The following SLC43A2 variants were observed in gnomAD, a reference collection of about 807,000 sequenced individuals.
SLC43A2 encodes solute carrier family 43 member 2, also known as large neutral amino acids transporter small subunit 4.
Under a neutral mutation model 63.2 loss-of-function variants are expected in SLC43A2, and 38 were observed. The observed-to-expected ratio is 0.60, with a 90% CI of 0.46 to 0.79. The LOEUF (loss-of-function observed/expected upper bound fraction) is 0.79. SLC43A2 is among the 30% of genes least tolerant of loss of function. The probability of loss-of-function intolerance (pLI) is 0.00; values close to 1 mark genes in which losing one functional copy is unlikely to be tolerated. For synonymous variants in SLC43A2, 322 were observed against 331.0 expected (o/e 0.97, Z 0.30); for missense variants, 644 against 756.2 (o/e 0.85, Z 1.74).
chr17:1,594,643 A>G (rs374621717), intron 5 of SLC43A2, among the ~76,000 whole-genome samples: 95 of 131,748 alleles, frequency 7.2e-4, no homozygotes, highest in African/African-American at 2.7e-3. Flanking sequence ...GCTGTACTGC[A>G]GTGGCTCTAT....
In SLC43A2 at chr17:1,614,996, C is replaced by T; in HGVS notation, c.407G>A (p.Gly136Glu). 1 of 1,613,964 alleles carries T rather than the reference C, an allele frequency of 6.2e-7. No individual in the cohort carries two copies. The highest frequency in any genetic ancestry group is 2.2e-5 in the East Asian group (1 of 44,868). ...ACACTCACCGTTTGGTTTACTTGCTCCGTACGCAATCAGCAAGCAGGAAAC... is the reference window on the plus strand; with the variant it reads ...ACACTCACCGTTTGGTTTACTTGCTTCGTACGCAATCAGCAAGCAGGAAAC... ...FAVSCLLIAYGASKPNALSVL... is the reference protein window; with the variant it reads ...FAVSCLLIAYEASKPNALSVL... The change falls in exon 4 of 14, where the codon GGA becomes GAA. Residue 136 changes from glycine to glutamate, a missense_variant. Physicochemically the swap from Gly to Glu is moderately conservative, Grantham distance 98 (BLOSUM62 -2). Transcript: ENST00000301335.
intron 5 of SLC43A2, among the ~76,000 whole-genome samples, chr17:1,607,291 T>C (rs897111921): frequency 6.6e-6 from 1 of 152,186 alleles, no homozygotes; most frequent in Admixed American, 6.5e-5. Context: ...AAAGTGCCAT[T>C]GTGCCCTGAG....
chr17:1,579,821 G>C (rs999526524), intron 11 of SLC43A2, among the ~76,000 whole-genome samples: 8 of 152,022 alleles, frequency 5.3e-5, no homozygotes, highest in African/African-American at 1.4e-4. Context: ...TGGCTGATGG[G>C]AGTGAGACCC....
intron 3 of SLC43A2, among the ~76,000 whole-genome samples, chr17:1,615,445 G>A (rs73283000): frequency 0.13 from 19,054 of 151,116 alleles, 3,134 homozygotes; most frequent in African/African-American, 0.39. Context: ...GTATTATAAA[G>A]CACATTAAGA....
chr17:1,581,956 G>A (rs529994754), intron 11 of SLC43A2, among the ~76,000 whole-genome samples: 4 of 151,806 alleles, frequency 2.6e-5, no homozygotes, highest in South Asian at 4.2e-4. Context: ...ACAGGCATGT[G>A]CCACCACGCC....
intron 5 of SLC43A2, among the ~76,000 whole-genome samples, chr17:1,599,467 A>G (rs886517876): frequency 1.3e-5 from 2 of 151,962 alleles, no homozygotes; most frequent in African/African-American, 4.8e-5. Flanking sequence ...TAGGAGGCTG[A>G]GGCAGGTGGA....
rs1237787686 is a variant in SLC43A2, at chr17:1,606,200, C to A, written c.501+6995G>T. Among the ~76,000 whole-genome samples the A allele has an allele frequency of 6.6e-6, 1 of 151,886 alleles. No homozygotes were observed. Among genetic ancestry groups the A allele is most frequent in the Non-Finnish European group, 1.5e-5 (1 of 67,998 alleles). ...ACCCTCCAGAGCTGGCCGGGGGCCA[C>A]CGTGGGACCCTCTCCTGGCTGCAGA... On this transcript the variant is annotated intron_variant, in intron 5 of 13. Transcript: ENST00000301335. The surrounding 1 kb of genome is among the most constrained non-coding windows in gnomAD (Gnocchi z 4.7).
intron 11 of SLC43A2, among the ~76,000 whole-genome samples, chr17:1,580,766 G>A (rs568175586): frequency 4.8e-5 from 7 of 147,332 alleles, no homozygotes; most frequent in South Asian, 2.2e-4. Flanking sequence ...GTCTCACTCC[G>A]GTTGCCCAGG....
At chr17:1,629,362 G>T (rs1429035755), upstream of SLC43A2, among the ~76,000 whole-genome samples, 5 of 152,034 alleles carry the variant, frequency 3.3e-5, no homozygotes, top group Non-Finnish European at 5.9e-5. Context: ...CGCCGCCTCG[G>T]GCTTTGGGTC....
chr17:1,594,797 C>A lies in SLC43A2; in HGVS notation c.502-1518G>T, dbSNP rs1411783097. ...TAGAGACGGGGTTTCACCACGTTAG[C>A]CAGGATGGTCTGGATCTCCTGACCT... is the stretch of plus-strand genomic sequence containing the variant. On this transcript the variant is annotated intron_variant, in intron 5 of 13. Transcript: ENST00000301335. 4.0e-5 allele frequency among the ~76,000 whole-genome samples: 6 copies of A among 151,768 alleles called. No individual in the cohort carries two copies. The East Asian group carries it at 9.8e-4, about 25-fold the overall frequency.
chr17:1,606,949 C>T lies in SLC43A2; in HGVS notation c.501+6246G>A, dbSNP rs1479245658. On this transcript the variant is annotated intron_variant, in intron 5 of 13. Coordinates refer to ENST00000301335, the MANE Select transcript of SLC43A2 (RefSeq NM_152346.3). This position sits in a 1 kb window ranked among gnomAD's most constrained non-coding sequence, Gnocchi z 4.7. Reference sequence around the variant, plus strand: ...ACCATGGGTGCCGACCTCTTGGGCTCTGGAAGGATGGCTCATGGCCATCTC... The same window carrying T: ...ACCATGGGTGCCGACCTCTTGGGCTTTGGAAGGATGGCTCATGGCCATCTC... 1.3e-5 allele frequency among the ~76,000 whole-genome samples: 2 copies of T among 152,224 alleles called. No homozygotes were observed. The highest frequency in any genetic ancestry group is 2.9e-5 in the Non-Finnish European group (2 of 68,026).
At chr17:1,623,590 C>T (rs556751602) in intron 2 of SLC43A2, among the ~76,000 whole-genome samples, 131 of 152,138 alleles carry the variant, frequency 8.6e-4, no homozygotes, top group Middle Eastern at 3.4e-3. Flanking sequence ...AGCCCCCGCC[C>T]CTTCCCACTT....
rs2002673 is a variant in SLC43A2 at position 1,591,729 on chromosome 17, G to C, written c.595-30C>G. The C allele has an allele frequency of 6.2e-4, 529 of 854,778 alleles. 33 individuals carry two copies. The South Asian group carries it at 7.2e-3, about 12-fold the overall frequency. The allele number at this position is 854,778 out of a possible 1,614,324, so 52.9% of individuals were successfully genotyped here. ...CAGGCACCGCGGGGACGGGGTGGGG[G>C]GGGGAGGGGGCAGAGTTAGCCCGGG... On this transcript the variant is annotated intron_variant, in intron 6 of 13. Coordinates refer to ENST00000301335, the MANE Select transcript of SLC43A2 (RefSeq NM_152346.3).
chr17:1,582,134 C>T (rs111611981), intron 11 of SLC43A2, among the ~76,000 whole-genome samples: 68 of 151,770 alleles, frequency 4.5e-4, no homozygotes, highest in African/African-American at 1.5e-3. Flanking sequence ...GGCTGGAGTG[C>T]AGTGGCGCGA....
rs545834491 is a variant in SLC43A2, at chr17:1,594,200, TGGAAGGCCAAC to T, written c.502-932_502-922del. On this transcript the variant is annotated intron_variant, in intron 5 of 13. Coordinates refer to ENST00000301335, the MANE Select transcript of SLC43A2 (RefSeq NM_152346.3). ...TGTTCGGCCCGAGCAGTTAGCATCCTGGAAGGCCAACGGGAAGCAAGGTCCGGGCTCTCTTC... is the reference window on the plus strand; with the variant it reads ...TGTTCGGCCCGAGCAGTTAGCATCCTGGGAAGCAAGGTCCGGGCTCTCTTC... Among the ~76,000 whole-genome samples the T allele has an allele frequency of 4.6e-5, 7 of 152,330 alleles. No individual in the cohort carries two copies. In the East Asian group the frequency reaches 1.2e-3, roughly 25 times the overall value.
chr17:1,616,615 G>C lies in SLC43A2; in HGVS notation c.315C>G (p.Pro105=), dbSNP rs773405964. Residue 105 remains proline (P), a synonymous_variant, in exon 3 of 14, where the codon CCC becomes CCG. Transcript: ENST00000301335. ...CATACTTGTCCATGACGATACCCAG[G>C]GGCAGGGTGATGGCACTGAGCAGAA... is the stretch of plus-strand genomic sequence containing the variant. ...GSFLLSAITL[P]LGIVMDKYGP... The C allele has an allele frequency of 6.2e-7, 1 of 1,614,110 alleles. No homozygotes were observed. Among genetic ancestry groups the C allele is most frequent in the South Asian group, 1.1e-5 (1 of 91,078 alleles).
At chr17:1,604,389 C>T (rs1224750282) in intron 5 of SLC43A2, 2 of 229,088 alleles carry the variant, frequency 8.7e-6, no homozygotes, top group East Asian at 8.7e-5. Context: ...TGAGGTCATG[C>T]TGTATTGCCC....
At chr17:1,588,242 T>C (rs1361331900) in intron 9 of SLC43A2, among the ~76,000 whole-genome samples, 11 of 151,918 alleles carry the variant, frequency 7.2e-5, no homozygotes, top group Non-Finnish European at 1.5e-4. Context: ...AAAAATTAGC[T>C]GGGCATGGTG....
intron 2 of SLC43A2, among the ~76,000 whole-genome samples, chr17:1,623,938 G>A (rs1481897669): frequency 6.6e-6 from 1 of 151,990 alleles, no homozygotes; most frequent in African/African-American, 2.4e-5. Context: ...CACCTGAACC[G>A]CAGAGAGGCC....
Sources: gnomAD v4.1 joint callset for allele counts (sites outside exome capture counted in the v4.1 genomes callset) on GRCh38, gnomAD v4.1.1 for gene constraint, Gnocchi (gnomAD v3.1) non-coding constraint, MANE v1.5 for transcripts, NCBI Gene and HGNC (gene_info 2026-07-23, HGNC 2026-07-21) for gene names.